Variants in COL17A1 observed in about 807,000 individuals in gnomAD.
The protein encoded by COL17A1 is collagen type XVII alpha 1 chain, also known as collagen alpha-1(XVII) chain.
A neutral mutation model predicts 218.4 loss-of-function variants in COL17A1; 181 were observed. The observed-to-expected ratio is 0.83, with a 90% CI of 0.73 to 0.94. The LOEUF (loss-of-function observed/expected upper bound fraction) is 0.94. COL17A1 is among the 40% of genes least tolerant of loss of function. COL17A1 has a pLI of 0.00. For synonymous variants in COL17A1, 721 were observed against 731.0 expected, an observed-to-expected ratio of 0.99 and a Z score of 0.22; for missense variants, 1,924 against 1,945.9, an observed-to-expected ratio of 0.99 and a Z score of 0.21.
intron 40 of COL17A1, 106 bp from the exon 41 acceptor site, chr10:104,040,105 A>T: frequency 7.4e-7 from 1 of 1,360,290 alleles, no homozygotes; most frequent in South Asian, 1.2e-5. Context: ...GAGCAGATAT[A>T]GAACTTGGGG....
At chr10:104,038,958 A>G in intron 44 of COL17A1, 113 bp downstream of exon 44, 1 of 1,232,618 alleles carries the variant, frequency 8.1e-7, no homozygotes, top group South Asian at 1.2e-5. Context: ...AAGACAGCCA[A>G]TCAACAACGA....
At chr10:104,037,930 T>A (rs2086317451) in intron 45 of COL17A1, among the ~76,000 whole-genome samples, 157 bp from the exon 46 acceptor site, 1 of 3,804 alleles carries the variant, frequency 2.6e-4, no homozygotes, top group Non-Finnish European at 6.3e-3. Flanking sequence ...TCACTGTCCT[T>A]CCCCTAAATT....
At chr10:104,048,000 C>T (rs2086429716) in intron 30 of COL17A1, 69 bp downstream of exon 30, 1 of 1,583,110 alleles carries the variant, frequency 6.3e-7, no homozygotes, top group Non-Finnish European at 8.7e-7. Context: ...GTTAAGGGGA[C>T]TGAGGGCTGC....
intron 47 of COL17A1, 57 bp from the exon 48 acceptor site, chr10:104,036,689 T>TGGGG (rs2086302958): frequency 3.7e-6 from 6 of 1,602,686 alleles, no homozygotes; most frequent in Non-Finnish European, 5.1e-6. Context: ...GTCGCAGCCA[T>TGGGG]GATCCAGCCA....
At chr10:104,038,894 A>T (rs1384059915) in intron 44 of COL17A1, among the ~76,000 whole-genome samples, 177 bp downstream of exon 44, 1 of 152,064 alleles carries the variant, frequency 6.6e-6, no homozygotes, top group Non-Finnish European at 1.5e-5. Context: ...CTTCCCCTCA[A>T]CCCAATAACT....
intron 6 of COL17A1, 67 bp downstream of exon 6, chr10:104,074,117 A>T (rs1313123945): frequency 6.2e-7 from 1 of 1,612,392 alleles, no homozygotes; most frequent in Non-Finnish European, 8.5e-7. Flanking sequence ...CCACCACTTC[A>T]TCTCCCCCAG....
chr10:104,055,123 C>T, intron 19 of COL17A1, 116 bp from the exon 20 acceptor site: 2 of 1,556,670 alleles, frequency 1.3e-6, no homozygotes, highest in East Asian at 2.4e-5. Context: ...GGTGAGGCGA[C>T]ATGCGGCGAG....
chr10:104,047,211 G>A (rs2086420120), intron 31 of COL17A1, among the ~76,000 whole-genome samples: 1 of 151,900 alleles, frequency 6.6e-6, no homozygotes, highest in Non-Finnish European at 1.5e-5. Context: ...TTCTTGGCTG[G>A]TTTTCATTTG....
intron 1 of COL17A1, among the ~76,000 whole-genome samples, chr10:104,082,223 G>T (rs1194752433): frequency 1.3e-5 from 2 of 152,224 alleles, no homozygotes; most frequent in Non-Finnish European, 2.9e-5. Context: ...GTTTCCTGGA[G>T]CCCAGAGGAG....
At chr10:104,063,289 T>G (rs1486132668) in intron 11 of COL17A1, among the ~76,000 whole-genome samples, 1 of 152,214 alleles carries the variant, frequency 6.6e-6, no homozygotes, top group Non-Finnish European at 1.5e-5. Context: ...ATGTTTGCAT[T>G]GGAAGATAAG....
At chr10:104,044,656 G>C (rs2086391930) in intron 33 of COL17A1, among the ~76,000 whole-genome samples, 1 of 152,184 alleles carries the variant, frequency 6.6e-6, no homozygotes, top group Middle Eastern at 3.2e-3. Flanking sequence ...CAAGACGGGA[G>C]AAGCACTTGA....
rs753618210 is a variant in COL17A1 at position 104,037,051 on chromosome 10, G to A, written c.3271C>T (p.Leu1091=). 1 of 1,605,638 alleles carries A rather than the reference G, an allele frequency of 6.2e-7. No homozygotes were observed. The highest frequency in any genetic ancestry group is 2.2e-5 in the East Asian group (1 of 44,778). ...SISSEDILAV[L]QRDDVRQYLR... ...CCCCCCACAGGTGACTCACGCTGCA[G>A]CACAGCCAGAATGTCTTCAGAAGAG... The change falls in exon 47 of 56, where the codon CTG becomes TTG. Residue 1091 remains leucine, a synonymous_variant. Transcript: ENST00000648076.
rs1405652167 is a variant in COL17A1, at chr10:104,035,468, C to A, written c.3508+6G>T. On this transcript the variant is annotated splice_donor_region_variant and intron_variant, in intron 49 of 55. Coordinates refer to ENST00000648076, the MANE Select transcript of COL17A1 (RefSeq NM_000494.4). ...AGTTGGACAGATGTCCCCTGCTGGG[C>A]CTTACCTCGCAGCAAGGAGAGGAGC... 2.5e-6 allele frequency: 4 copies of A among 1,613,980 alleles called. 1 individual carries two copies. The South Asian group carries it at 4.4e-5, about 18-fold the overall frequency.
At chr10:104,073,407 C>T (rs1425106575) in intron 6 of COL17A1, among the ~76,000 whole-genome samples, 162 bp from the exon 7 acceptor site, 1 of 152,152 alleles carries the variant, frequency 6.6e-6, no homozygotes, top group Non-Finnish European at 1.5e-5. Flanking sequence ...ATGATGATCA[C>T]TTAGCAACAG....
At chr10:104,073,453 A>G (rs1219270215) in intron 6 of COL17A1, among the ~76,000 whole-genome samples, 1 of 152,134 alleles carries the variant, frequency 6.6e-6, no homozygotes, top group Non-Finnish European at 1.5e-5. Flanking sequence ...TACATTTATG[A>G]TGTTAAATTA....
chr10:104,041,683 G>A, intron 36 of COL17A1, 145 bp from the exon 37 acceptor site: 1 of 703,690 alleles, frequency 1.4e-6, no homozygotes, highest in Non-Finnish European at 2.5e-6. Context: ...CATGGCACAA[G>A]AGCCTGCAGC....
At chr10:104,040,765 C>T (rs2134584960) in intron 39 of COL17A1, among the ~76,000 whole-genome samples, 1 of 152,296 alleles carries the variant, frequency 6.6e-6, no homozygotes, top group South Asian at 2.1e-4. Flanking sequence ...GCGCATGTAT[C>T]CTGCCTACTT....
intron 50 of COL17A1, 107 bp from the exon 51 acceptor site, chr10:104,034,874 G>T: frequency 7.1e-7 from 1 of 1,404,718 alleles, no homozygotes; most frequent in Non-Finnish European, 9.7e-7. Context: ...GAGGGGATGA[G>T]GCTGGGCCTC....
intron 32 of COL17A1, among the ~76,000 whole-genome samples, chr10:104,046,312 G>C (rs1313609778): frequency 6.6e-6 from 1 of 152,270 alleles, no homozygotes; most frequent in South Asian, 2.1e-4. Flanking sequence ...GGGGCACAAT[G>C]GTCCAATTAC....
Sources: allele counts gnomAD v4.1 joint callset (sites outside exome capture counted in the v4.1 genomes callset), GRCh38; gene constraint gnomAD v4.1.1; transcripts MANE v1.5; gene names NCBI Gene and HGNC (gene_info 2026-07-23, HGNC 2026-07-21).